Variants in CTNNA2 observed in about 807,000 individuals in gnomAD.
CTNNA2 encodes catenin alpha-2.
A neutral mutation model predicts 101.0 loss-of-function variants in CTNNA2; 42 were observed. That is an observed-to-expected ratio of 0.42 (90% CI 0.32 to 0.54). CTNNA2 has a LOEUF of 0.54. CTNNA2 is among the 20% of genes least tolerant of loss of function. The probability of loss-of-function intolerance (pLI) is 0.14; values close to 1 mark genes in which losing one functional copy is unlikely to be tolerated. For synonymous variants in CTNNA2, 450 were observed against 456.4 expected, an observed-to-expected ratio of 0.99 and a Z score of 0.18; for missense variants, 871 against 1,223.1, an observed-to-expected ratio of 0.71 and a Z score of 4.29.
intron 9 of CTNNA2, among the ~76,000 whole-genome samples, chr2:80,488,714 C>A (rs929658037): frequency 1.5e-4 from 23 of 152,178 alleles, no homozygotes; most frequent in Non-Finnish European, 3.4e-4. Context: ...CCACTGACCC[C>A]AGATAACTAA....
intron 4 of CTNNA2, among the ~76,000 whole-genome samples, chr2:79,483,169 T>C (rs1319606916): frequency 6.6e-6 from 1 of 152,176 alleles, no homozygotes; most frequent in East Asian, 1.9e-4. Context: ...ACATCACCAG[T>C]TGACATGACA....
In CTNNA2 at chr2:79,357,477, AG is replaced by A. The variant is rs1176221523; in HGVS notation, c.-317-16353del. Among the ~76,000 whole-genome samples, 3 of 152,188 alleles carry A rather than the reference AG, an allele frequency of 2.0e-5. No homozygotes were observed. In the East Asian group the frequency reaches 5.8e-4, roughly 29 times the overall value. On this transcript the variant is annotated intron_variant, in intron 3 of 21. Coordinates refer to the CTNNA2 transcript ENST00000466387. Reference sequence around the variant, plus strand: ...TTGAAAATTCAGTAAAGAACATAAAAGACATATAGGGCAAGGTGAAACAATT... The same window carrying A: ...TTGAAAATTCAGTAAAGAACATAAAAACATATAGGGCAAGGTGAAACAATT...
At chr2:80,553,109 A>G (rs536291340) in intron 11 of CTNNA2, among the ~76,000 whole-genome samples, 1 of 151,352 alleles carries the variant, frequency 6.6e-6, no homozygotes, top group Non-Finnish European at 1.5e-5. Flanking sequence ...CTGTAATCCC[A>G]TCTACTTGGG....
chr2:80,487,391 G>A (rs551268091), intron 9 of CTNNA2, among the ~76,000 whole-genome samples: 24 of 151,950 alleles, frequency 1.6e-4, no homozygotes, highest in Admixed American at 1.3e-3. Context: ...TAGTTATAAA[G>A]CAAAGAGGTT....
At chr2:79,515,259 G>C (rs1671747501) in intron 1 of CTNNA2, among the ~76,000 whole-genome samples, 1 of 152,224 alleles carries the variant, frequency 6.6e-6, no homozygotes, top group South Asian at 2.1e-4. Flanking sequence ...GTAGATAGGA[G>C]TGTTTTCCTT....
At chr2:80,552,341 A>G (rs920138669) in intron 11 of CTNNA2, among the ~76,000 whole-genome samples, 3 of 152,216 alleles carry the variant, frequency 2.0e-5, no homozygotes. Context: ...GAAGAAAAAA[A>G]AACCCACCAA....
intron 3 of CTNNA2, among the ~76,000 whole-genome samples, chr2:79,825,206 T>A (rs1678329640): frequency 6.6e-6 from 1 of 152,024 alleles, no homozygotes; most frequent in Non-Finnish European, 1.5e-5. Context: ...TTGTTGTTGA[T>A]GGCATAAGAG....
chr2:79,569,918 A>T (rs979341983), intron 1 of CTNNA2, among the ~76,000 whole-genome samples: 1 of 152,230 alleles, frequency 6.6e-6, no homozygotes, highest in African/African-American at 2.4e-5. Flanking sequence ...ACTGTGGTCT[A>T]TTATGACTAA....
At chr2:79,471,424 C>T (rs1670997580) in intron 4 of CTNNA2, among the ~76,000 whole-genome samples, 1 of 152,096 alleles carries the variant, frequency 6.6e-6, no homozygotes, top group South Asian at 2.1e-4. Flanking sequence ...CTCCTTATAT[C>T]CTCCCATGGA....
chr2:80,458,819 T>A (rs887492634), intron 9 of CTNNA2, among the ~76,000 whole-genome samples: 6 of 152,168 alleles, frequency 3.9e-5, no homozygotes, highest in African/African-American at 1.4e-4. Context: ...TTATAAATGA[T>A]CAGCCCCCTC....
At chr2:80,598,505 C>T (rs1407126569) in intron 15 of CTNNA2, among the ~76,000 whole-genome samples, 1 of 151,890 alleles carries the variant, frequency 6.6e-6, no homozygotes, top group Non-Finnish European at 1.5e-5. Context: ...GGATTTACTA[C>T]AGGACCCAGA....
At chr2:80,603,960 T>C (rs960559238) in intron 15 of CTNNA2, 114 bp from the exon 16 acceptor site, 6 of 742,946 alleles carry the variant, frequency 8.1e-6, no homozygotes, top group Non-Finnish European at 1.3e-5. Context: ...ATTCGACTAA[T>C]GTGGCCAGTG....
chr2:79,450,423 T>A (rs570126439), intron 4 of CTNNA2, among the ~76,000 whole-genome samples: 2 of 152,008 alleles, frequency 1.3e-5, no homozygotes, highest in African/African-American at 4.8e-5. Context: ...TTTGTAAGTG[T>A]AATAAACCAA....
At chr2:79,259,711 C>T (rs1406490155) in intron 2 of CTNNA2, among the ~76,000 whole-genome samples, 2 of 152,150 alleles carry the variant, frequency 1.3e-5, no homozygotes, top group Admixed American at 1.3e-4. Context: ...GCTCTTCCCA[C>T]CCCACTGATT....
intron 3 of CTNNA2, among the ~76,000 whole-genome samples, chr2:79,802,132 G>T (rs112624598): frequency 6.6e-6 from 1 of 152,154 alleles, no homozygotes; most frequent in East Asian, 1.9e-4. Context: ...CATCCTAGGA[G>T]AAATTGCATA....
intron 9 of CTNNA2, among the ~76,000 whole-genome samples, chr2:80,521,725 A>C (rs1414820182): frequency 2.6e-5 from 4 of 152,138 alleles, no homozygotes; most frequent in African/African-American, 9.7e-5. Context: ...CCTCCGGAAA[A>C]GAATATAGCA....
rs757772953 is a variant in CTNNA2, at chr2:80,608,195, A to C, written c.2307A>C (p.Ser769=). 5.0e-6 allele frequency: 8 copies of C among 1,609,730 alleles called. No individual in the cohort carries two copies. The highest frequency in any genetic ancestry group is 6.8e-6 in the Non-Finnish European group (8 of 1,176,972). The change falls in exon 17 of 19, where the codon TCA becomes TCC. Residue 769 remains serine, a synonymous_variant. Coordinates refer to ENST00000402739, the MANE Select transcript of CTNNA2 (RefSeq NM_001282597.3). ...TTAATGTTTTATAGTGTCCTGATTCAGCATGTAAGCAGGATTTATTAGCCT... is the reference window on the plus strand; with the variant it reads ...TTAATGTTTTATAGTGTCCTGATTCCGCATGTAAGCAGGATTTATTAGCCT... The part of the protein sequence containing the change: ...ARAVADQCPD[S]ACKQDLLAYL...
chr2:80,152,095 C>T (rs1038356504), intron 7 of CTNNA2, among the ~76,000 whole-genome samples: 1 of 152,228 alleles, frequency 6.6e-6, no homozygotes, highest in Non-Finnish European at 1.5e-5. Context: ...CTATAAAAGG[C>T]AGTGAGTGAT....
At chr2:80,341,619 G>T (rs1272719753) in intron 7 of CTNNA2, among the ~76,000 whole-genome samples, 1 of 152,188 alleles carries the variant, frequency 6.6e-6, no homozygotes, top group Non-Finnish European at 1.5e-5. Flanking sequence ...AATAATAAGT[G>T]TGGGAGAGGA....
Sources: allele counts gnomAD v4.1 joint callset (sites outside exome capture counted in the v4.1 genomes callset), GRCh38; gene constraint gnomAD v4.1.1; transcripts MANE v1.5; gene names NCBI Gene and HGNC (gene_info 2026-07-23, HGNC 2026-07-21).